The following FBXL16 variants were observed in gnomAD, a reference collection of about 807,000 sequenced individuals.
The protein encoded by FBXL16 is F-box/LRR-repeat protein 16.
Under a neutral mutation model 36.7 loss-of-function variants are expected in FBXL16, and 7 were observed. That is an observed-to-expected ratio of 0.19 (90% CI 0.11 to 0.36). The LOEUF (loss-of-function observed/expected upper bound fraction) is 0.36. Among genes scored for constraint, FBXL16 ranks in the 10% least tolerant of loss-of-function variants. FBXL16 has a pLI of 1.00. For synonymous variants in FBXL16, 355 were observed against 308.7 expected (o/e 1.15, Z -1.57); for missense variants, 463 against 659.4 (o/e 0.70, Z 3.26).
At position 697,199 on chromosome 16, in the gene FBXL16, C is replaced by A; in HGVS notation, c.207G>T (p.Leu69=). The part of the protein sequence containing the change: ...SLAAPLSRAA[L]AGGPCTPAGG... ...CTGCCGGGGTGCACGGGCCCCCAGC[C>A]AGGGCAGCCCGGGACAGTGGAGCAG... Residue 69 remains leucine, a synonymous_variant, in exon 2 of 6, where the codon CTG becomes CTT. Coordinates refer to ENST00000397621, the MANE Select transcript of FBXL16 (RefSeq NM_153350.4). This position sits in a 1 kb window ranked among gnomAD's most constrained non-coding sequence, Gnocchi z 4.6. 1 of 1,500,736 alleles carries A rather than the reference C, an allele frequency of 6.7e-7. No homozygotes were observed. The highest frequency in any genetic ancestry group is 1.2e-5 in the South Asian group (1 of 80,856). The allele number at this position is 1,500,736 out of a possible 1,614,324, so 93.0% of individuals were successfully genotyped here.
chr16:694,672 A>G lies in FBXL16; in HGVS notation c.1253T>C (p.Leu418Pro). The stretch of plus-strand genomic sequence containing the variant: ...GAGGCGCAAACTCCCCAGGGCCAGG[A>G]GGTGCTTCAGCCCGAAGTCTTGCAC... ...CQVQDFGLKH[L>P]LALGSLRLLS... is the part of the protein sequence containing the mutation. The change falls in exon 5 of 6, where the codon CTC becomes CCC. Residue 418 changes from leucine to proline, a missense_variant. Physicochemically the swap from Leu to Pro is moderately conservative, Grantham distance 98. Around this residue, in one of 3 missense-constraint regions of FBXL16, gnomAD observed 134 missense variants for 172.0 expected, o/e 0.78. Transcript: ENST00000397621. The G allele has an allele frequency of 6.2e-7, 1 of 1,609,416 alleles. No individual in the cohort carries two copies.
intron 2 of FBXL16, 110 bp from the exon 3 acceptor site, chr16:696,033 CAG>C: frequency 7.0e-7 from 1 of 1,423,072 alleles, no homozygotes; most frequent in Non-Finnish European, 9.2e-7. Flanking sequence ...AAACATTTGG[CAG>C]TGTGTGAGGA....
rs955769210 is a variant in FBXL16 at position 701,158 on chromosome 16, G to A, written c.-14-3739C>T. Among the ~76,000 whole-genome samples the A allele has an allele frequency of 4.6e-5, 7 of 152,288 alleles. No homozygotes were observed. In the South Asian group the frequency reaches 6.2e-4, roughly 14 times the overall value. On this transcript the variant is annotated intron_variant, in intron 1 of 5. Transcript: ENST00000397621. Reference sequence around the variant, plus strand: ...CCCGTCCCCACCTCCAGGCCTCAGGGTCGAGATGGAGAAACCAAGCCGCAC... The same window carrying A: ...CCCGTCCCCACCTCCAGGCCTCAGGATCGAGATGGAGAAACCAAGCCGCAC...
intron 1 of FBXL16, among the ~76,000 whole-genome samples, chr16:699,648 G>A (rs1258712873): frequency 6.6e-6 from 1 of 152,180 alleles, no homozygotes; most frequent in Non-Finnish European, 1.5e-5. Context: ...CCACACTCCA[G>A]GGCAAAGCAA....
rs1248496727 is a variant in FBXL16 at position 694,987 on chromosome 16, G to A, written c.1227+5C>T. 1 of 1,529,164 alleles carries A rather than the reference G, an allele frequency of 6.5e-7. No homozygotes were observed. The highest frequency in any genetic ancestry group is 2.0e-5 in the Admixed American group (1 of 49,812). 94.7% of individuals were successfully genotyped at this position (1,529,164 alleles called of 1,614,324 possible). On this transcript the variant is annotated splice_donor_5th_base_variant and intron_variant, in intron 4 of 5. Transcript: ENST00000397621. ...CCCCCAATCCCGGGGCGTGAGAGCC[G>A]GTACCTGGCAGCACCATCGCAGGTA... is the stretch of plus-strand genomic sequence containing the variant.
chr16:697,554 T>A lies in FBXL16; in HGVS notation c.-14-135A>T. 3 of 1,153,900 alleles carry A rather than the reference T, an allele frequency of 2.6e-6. No homozygotes were observed. The allele number at this position is 1,153,900 out of a possible 1,614,324, so 71.5% of individuals were successfully genotyped here. ...TCCCAGAACCACCAGACAGAGAGGA[T>A]GGGAGTGCCTGCTTCTCCCTCCCAG... On this transcript the variant is annotated intron_variant, in intron 1 of 5. Transcript: ENST00000397621. This position sits in a 1 kb window ranked among gnomAD's most constrained non-coding sequence, Gnocchi z 4.6.
chr16:702,677 G>A (rs1242355424), intron 1 of FBXL16, among the ~76,000 whole-genome samples: 2 of 152,214 alleles, frequency 1.3e-5, no homozygotes, highest in African/African-American at 4.8e-5. Flanking sequence ...AAATTAACCC[G>A]GATCGTGCCA....
At chr16:702,188 C>G (rs994357136) in intron 1 of FBXL16, among the ~76,000 whole-genome samples, 7 of 152,160 alleles carry the variant, frequency 4.6e-5, no homozygotes, top group Admixed American at 3.3e-4. Flanking sequence ...ACCTCAGCTC[C>G]GGCCCCTTCC....
chr16:702,570 C>T (rs748404771), intron 1 of FBXL16, among the ~76,000 whole-genome samples: 8 of 152,310 alleles, frequency 5.3e-5, no homozygotes, highest in South Asian at 4.1e-4. Context: ...AGCTCAGTCA[C>T]GCAGAAAGGG....
In FBXL16 at chr16:693,347, G is replaced by C. The variant is rs981097354; in HGVS notation, c.*928C>G. 6.6e-6 allele frequency: 1 copy of C among 152,432 alleles called. No homozygotes were observed. The highest frequency in any genetic ancestry group is 1.5e-5 in the Non-Finnish European group (1 of 68,210). 9.4% of individuals were successfully genotyped at this position (152,432 alleles called of 1,614,324 possible). ...CACCCAGGGTGAAGCTCGGTGCCCA[G>C]GCCTGAACTGAGCCCGGCCGGGTGC... On this transcript the variant is annotated 3_prime_UTR_variant, in exon 6 of 6. Transcript: ENST00000397621.
Position 695,588 on chromosome 16 carries a change from G to C in FBXL16, c.969C>G (p.Thr323=). The part of the protein sequence containing the change: ...VNVVHSLPNL[T]ALSLSGCSKV... Reference sequence around the variant, plus strand: ...TGGAGCAGCCCGAGAGGCTGAGCGCGGTGAGGTTGGGCAGGCTGTGCACCA... The same window carrying C: ...TGGAGCAGCCCGAGAGGCTGAGCGCCGTGAGGTTGGGCAGGCTGTGCACCA... The change falls in exon 3 of 6, where the codon ACC becomes ACG. Residue 323 remains threonine (T), a synonymous_variant. Coordinates refer to ENST00000397621, the MANE Select transcript of FBXL16 (RefSeq NM_153350.4). The C allele has an allele frequency of 6.2e-7, 1 of 1,605,920 alleles. No individual in the cohort carries two copies. Among genetic ancestry groups the C allele is most frequent in the Non-Finnish European group, 8.5e-7 (1 of 1,178,996 alleles).
In FBXL16 at chr16:697,240, G is replaced by A. The variant is rs1332608521; in HGVS notation, c.166C>T (p.Pro56Ser). 1.3e-6 allele frequency: 2 copies of A among 1,492,508 alleles called. No individual in the cohort carries two copies. The highest frequency in any genetic ancestry group is 1.8e-6 in the Non-Finnish European group (2 of 1,122,684). The allele number at this position is 1,492,508 out of a possible 1,614,324, so 92.5% of individuals were successfully genotyped here. A position where few individuals can be genotyped will look rare whatever the true frequency, so the allele number is the denominator to read the frequency against. ...PCQPPPPPTL[P>S]PPSLAAPLSR... The stretch of plus-strand genomic sequence containing the variant: ...AGTGGAGCAGCCAGGCTGGGTGGTG[G>A]GAGGGTGGGTGGGGGTGGTGGCTGG... The change falls in exon 2 of 6, where the codon CCA (proline) becomes TCA (serine). Residue 56 changes from proline to serine, a missense_variant. Pro to Ser is a moderately conservative substitution (Grantham distance 74). Transcript: ENST00000397621. The surrounding 1 kb of genome is among the most constrained non-coding windows in gnomAD (Gnocchi z 4.6).
chr16:701,114 G>C (rs995754915), intron 1 of FBXL16, among the ~76,000 whole-genome samples: 2 of 152,200 alleles, frequency 1.3e-5, no homozygotes, highest in Non-Finnish European at 2.9e-5. Context: ...GGGAGCTCAC[G>C]TTTGCCGGCG....
intron 1 of FBXL16, among the ~76,000 whole-genome samples, chr16:699,540 G>A (rs1017696433): frequency 3.9e-5 from 6 of 152,220 alleles, no homozygotes; most frequent in Admixed American, 3.9e-4. Context: ...GAAGCCTGGG[G>A]AGGTGACGGT....
chr16:696,821 G>A lies in FBXL16; in HGVS notation c.585C>T (p.Val195=), dbSNP rs2040015563. Reference sequence around the variant, plus strand: ...TGGAGCGCTTGAGGCTCATGGCTTTGACACCCTTCTTGGAGAGCGCATAGT... The same window carrying A: ...TGGAGCGCTTGAGGCTCATGGCTTTAACACCCTTCTTGGAGAGCGCATAGT... ...IDNYALSKKG[V]KAMSLKRSTI... The change falls in exon 2 of 6, where the codon GTC becomes GTT. Residue 195 remains valine, a synonymous_variant. Transcript: ENST00000397621. The A allele has an allele frequency of 5.7e-6, 9 of 1,579,500 alleles. No homozygotes were observed. The highest frequency in any genetic ancestry group is 6.9e-6 in the Non-Finnish European group (8 of 1,167,566).
At chr16:704,288 C>T (rs4984686) in intron 1 of FBXL16, among the ~76,000 whole-genome samples, 61,780 of 152,082 alleles carry the variant, frequency 0.41, 17,017 homozygotes, top group African/African-American at 0.76. Flanking sequence ...TAGGACTCGT[C>T]CAGCCGCCCC....
Position 694,623 on chromosome 16 carries a change from G to C in FBXL16, c.1291+11C>G. On this transcript the variant is annotated intron_variant, in intron 5 of 5. Coordinates refer to ENST00000397621, the MANE Select transcript of FBXL16 (RefSeq NM_153350.4). ...TCACTGCCAGCGTCAGAGCAGAAACGGGGGTCTCACCTGCCAGAGACAGGA... is the reference window on the plus strand; with the variant it reads ...TCACTGCCAGCGTCAGAGCAGAAACCGGGGTCTCACCTGCCAGAGACAGGA... 6.2e-7 allele frequency: 1 copy of C among 1,606,898 alleles called. No homozygotes were observed. Among genetic ancestry groups the C allele is most frequent in the East Asian group, 2.2e-5 (1 of 44,626 alleles).
Position 697,319 on chromosome 16 carries a change from G to T in FBXL16, c.87C>A (p.Gly29=). ...CCTTGGTGATGCTGGCCGCACCCAG[G>T]CCGTTGGGCTGGCCCGGCAGCTTCA... ...GLVKLPGQPN[G]LGAASITKGT... is the part of the protein sequence containing the mutation. Residue 29 remains glycine, a synonymous_variant, in exon 2 of 6, where the codon GGC becomes GGA. Coordinates refer to ENST00000397621, the MANE Select transcript of FBXL16 (RefSeq NM_153350.4). The surrounding 1 kb of genome is among the most constrained non-coding windows in gnomAD (Gnocchi z 4.6). 2 of 1,535,220 alleles carry T rather than the reference G, an allele frequency of 1.3e-6. No individual in the cohort carries two copies. The highest frequency in any genetic ancestry group is 8.7e-7 in the Non-Finnish European group (1 of 1,146,532).
At chr16:695,373 C>T (rs2040003382) in intron 3 of FBXL16, 42 bp downstream of exon 3, 1 of 1,389,698 alleles carries the variant, frequency 7.2e-7, no homozygotes, top group Non-Finnish European at 9.3e-7. Flanking sequence ...CGTGCAGCCC[C>T]GCCCGGCCCA....
Sources: allele counts gnomAD v4.1 joint callset (sites outside exome capture counted in the v4.1 genomes callset), GRCh38; gene constraint gnomAD v4.1.1; regional missense constraint gnomAD v4.1.1; non-coding constraint Gnocchi (gnomAD v3.1); transcripts MANE v1.5; gene names NCBI Gene and HGNC (gene_info 2026-07-23, HGNC 2026-07-21).